The following ZFYVE1 variants were observed in gnomAD, a reference collection of about 807,000 sequenced individuals.
The protein encoded by ZFYVE1 is zinc finger FYVE-type containing 1.
A neutral mutation model predicts 74.4 loss-of-function variants in ZFYVE1; 30 were observed. That is an observed-to-expected ratio of 0.40 (90% confidence interval 0.30 to 0.55). ZFYVE1 has a LOEUF of 0.55. ZFYVE1 is among the 20% of genes least tolerant of loss of function. ZFYVE1 has a pLI of 0.42. For missense variants in ZFYVE1, 703 were observed against 1,011.6 expected, an observed-to-expected ratio of 0.69 and a Z score of 4.14; for synonymous variants, 335 against 385.1, an observed-to-expected ratio of 0.87 and a Z score of 1.52.
Position 72,974,170 on chromosome 14 carries a change from C to G in ZFYVE1, c.2011G>C (p.Asp671His). The change falls in exon 11 of 12, where the codon GAT (aspartate) becomes CAT (histidine). Residue 671 changes from aspartate to histidine, a missense_variant. Coordinates refer to ENST00000556143, the MANE Select transcript of ZFYVE1 (RefSeq NM_021260.4). ...QLAVTEAQVD[D>H]EGGTLIARKV... ...CGAGCAATGAGCGTTCCACCTTCAT[C>G]GTCCACTTGTGCCTCGGTAACAGCT... The G allele has an allele frequency of 6.2e-7, 1 of 1,614,130 alleles. No homozygotes were observed. Among genetic ancestry groups the G allele is most frequent in the Non-Finnish European group, 8.5e-7 (1 of 1,179,986 alleles).
chr14:73,022,576 G>T (rs1278806018), intron 2 of ZFYVE1, among the ~76,000 whole-genome samples: 2 of 152,178 alleles, frequency 1.3e-5, no homozygotes, highest in Non-Finnish European at 2.9e-5. Flanking sequence ...ATTGTTGATA[G>T]GACTCAAAAA....
intron 1 of ZFYVE1, among the ~76,000 whole-genome samples, chr14:73,025,873 G>A (rs968412399): frequency 3.3e-5 from 5 of 151,984 alleles, no homozygotes; most frequent in African/African-American, 1.2e-4. Context: ...AGTAGTCCTT[G>A]GAAGGACAGC....
At chr14:73,020,678 T>C (rs1894300368) in intron 2 of ZFYVE1, among the ~76,000 whole-genome samples, 1 of 151,992 alleles carries the variant, frequency 6.6e-6, no homozygotes, top group Non-Finnish European at 1.5e-5. Context: ...GGTGACTGCT[T>C]TAAGAAAAAA....
intron 3 of ZFYVE1, among the ~76,000 whole-genome samples, 172 bp from the exon 4 acceptor site, chr14:72,993,529 T>A (rs1349341903): frequency 6.6e-6 from 1 of 151,752 alleles, no homozygotes; most frequent in Non-Finnish European, 1.5e-5. Flanking sequence ...AAACCCTGTC[T>A]CTACTAATAA....
chr14:73,008,113 G>C (rs550778679), intron 2 of ZFYVE1, among the ~76,000 whole-genome samples: 1 of 152,304 alleles, frequency 6.6e-6, no homozygotes, highest in African/African-American at 2.4e-5. Flanking sequence ...CACAGAGACT[G>C]CCTGCAGCTC....
In ZFYVE1 at chr14:72,970,592, A is replaced by G. The variant is rs1210303426; in HGVS notation, c.*290T>C. 6 of 426,016 alleles carry G rather than the reference A, an allele frequency of 1.4e-5. No individual in the cohort carries two copies. Among genetic ancestry groups the G allele is most frequent in the African/African-American group, 9.9e-5 (5 of 50,296 alleles). The allele number at this position is 426,016 out of a possible 1,614,324, so 26.4% of individuals were successfully genotyped here. A position where few individuals can be genotyped will look rare whatever the true frequency, so the allele number is the denominator to read the frequency against. On this transcript the variant is annotated 3_prime_UTR_variant, in exon 12 of 12. Coordinates refer to ENST00000556143, the MANE Select transcript of ZFYVE1 (RefSeq NM_021260.4). ...TACGCCCCGAGTGCCTTTCATATGT[A>G]TATATGAGAGAGAGATATACACATA...
chr14:72,999,634 A>G (rs12893983), intron 2 of ZFYVE1, among the ~76,000 whole-genome samples: 26,131 of 152,174 alleles, frequency 0.17, 2,398 homozygotes, highest in South Asian at 0.23. Context: ...TGTAGATCAA[A>G]TATCTGATAA....
rs142630451 is a variant in ZFYVE1, at chr14:72,977,963, C to T, written c.1599G>A (p.Thr533=). Residue 533 remains threonine, a synonymous_variant, in exon 8 of 12, where the codon ACG becomes ACA. Coordinates refer to ENST00000556143, the MANE Select transcript of ZFYVE1 (RefSeq NM_021260.4). Reference sequence around the variant, plus strand: ...CATGCACAATCTCTGTCCGCACCACCGTATCCACAGGATCTTGGTTTCCAA... The same window carrying T: ...CATGCACAATCTCTGTCCGCACCACTGTATCCACAGGATCTTGGTTTCCAA... The part of the protein sequence containing the change: ...YWFGNQDPVD[T]VVRTEIVHVW... 1.2e-4 allele frequency: 199 copies of T among 1,614,064 alleles called. No individual in the cohort carries two copies. The highest frequency in any genetic ancestry group is 1.6e-4 in the Non-Finnish European group (189 of 1,180,036).
At chr14:72,995,297 A>C (rs899730869) in intron 3 of ZFYVE1, among the ~76,000 whole-genome samples, 2 of 152,166 alleles carry the variant, frequency 1.3e-5, no homozygotes, top group Non-Finnish European at 2.9e-5. Flanking sequence ...GGGTTTCACC[A>C]TGTTGGCCAG....
rs886723987 is a variant in ZFYVE1, at chr14:73,027,103, G to A, written c.-612C>T. ...GTTGTCAGTTGGGATCAGCTGATCG[G>A]AGTGAACTTCTCCCAGCTCGGACTA... On this transcript the variant is annotated 5_prime_UTR_variant, in exon 1 of 12. Transcript: ENST00000556143. The A allele has an allele frequency of 1.8e-5, 7 of 398,678 alleles. No individual in the cohort carries two copies. Among genetic ancestry groups the A allele is most frequent in the African/African-American group, 1.0e-4 (5 of 48,628 alleles). The allele number at this position is 398,678 out of a possible 1,614,324, so 24.7% of individuals were successfully genotyped here.
At chr14:73,022,128 G>A (rs1041865236) in intron 2 of ZFYVE1, among the ~76,000 whole-genome samples, 3 of 152,110 alleles carry the variant, frequency 2.0e-5, no homozygotes, top group African/African-American at 7.2e-5. Flanking sequence ...CCACAATGTC[G>A]CCCAATTACA....
chr14:72,982,778 G>A (rs1893369572), intron 4 of ZFYVE1, among the ~76,000 whole-genome samples: 1 of 152,104 alleles, frequency 6.6e-6, no homozygotes, highest in South Asian at 2.1e-4. Context: ...TCCATAAACG[G>A]GCAGAAGAGA....
intron 8 of ZFYVE1, among the ~76,000 whole-genome samples, chr14:72,977,541 A>T (rs988149621): frequency 1.3e-5 from 2 of 152,228 alleles, no homozygotes; most frequent in Non-Finnish European, 2.9e-5. Context: ...TGATCTTTTT[A>T]AAAAGGTGGA....
intron 4 of ZFYVE1, among the ~76,000 whole-genome samples, chr14:72,992,614 T>TCCCC (rs1893639790): frequency 9.9e-6 from 1 of 101,454 alleles, no homozygotes; most frequent in African/African-American, 4.3e-5. Flanking sequence ...CCCATTCAGG[T>TCCCC]GCCCCCCCCG....
At chr14:72,974,278 G>C in intron 10 of ZFYVE1, 85 bp from the exon 11 acceptor site, 1 of 1,282,994 alleles carries the variant, frequency 7.8e-7, no homozygotes, top group Non-Finnish European at 1.1e-6. Context: ...GAACGCTTCT[G>C]GATTCTGATC....
chr14:72,973,647 T>A (rs575604666), intron 11 of ZFYVE1, among the ~76,000 whole-genome samples: 1 of 152,296 alleles, frequency 6.6e-6, no homozygotes, highest in Admixed American at 6.5e-5. Context: ...GAGGCTCTGC[T>A]ACACACAGCC....
At position 72,978,797 on chromosome 14, in the gene ZFYVE1, C is replaced by A. The variant is rs1465065550; in HGVS notation, c.1419+64G>T. ...CAGCAAAAAATGGCCCCAAGATAGT[C>A]TTGCCAAAGAGAGAGTGGTCAGCAA... On this transcript the variant is annotated intron_variant, in intron 6 of 11. Coordinates refer to ENST00000556143, the MANE Select transcript of ZFYVE1 (RefSeq NM_021260.4). 2.1e-6 allele frequency: 3 copies of A among 1,405,470 alleles called. No individual in the cohort carries two copies. In the Admixed American group the frequency reaches 5.0e-5, roughly 24 times the overall value. The allele number at this position is 1,405,470 out of a possible 1,614,324, so 87.1% of individuals were successfully genotyped here.
intron 5 of ZFYVE1, 86 bp downstream of exon 5, chr14:72,981,703 G>T: frequency 8.0e-7 from 1 of 1,244,006 alleles, no homozygotes; most frequent in Non-Finnish European, 1.2e-6. Flanking sequence ...CAGGGGATCT[G>T]CATCCACACC....
At chr14:73,005,804 C>T (rs548050335) in intron 2 of ZFYVE1, among the ~76,000 whole-genome samples, 1 of 152,250 alleles carries the variant, frequency 6.6e-6, no homozygotes, top group African/African-American at 2.4e-5. Flanking sequence ...TGGGCTTGCA[C>T]CTGTGAATTG....
Sources: allele counts gnomAD v4.1 joint callset (sites outside exome capture counted in the v4.1 genomes callset), GRCh38; gene constraint gnomAD v4.1.1; transcripts MANE v1.5; gene names NCBI Gene and HGNC (gene_info 2026-07-23, HGNC 2026-07-21).